Variants in TNKS observed in about 807,000 individuals in gnomAD.
TNKS encodes the protein poly [ADP-ribose] polymerase tankyrase-1.
Under a neutral mutation model 135.8 loss-of-function variants are expected in TNKS, and 72 were observed. The observed-to-expected ratio is 0.53, with a 90% CI of 0.44 to 0.64. TNKS has a LOEUF of 0.64. Among genes scored for constraint, TNKS ranks in the 30% least tolerant of loss-of-function variants. The pLI is 0.00. For synonymous variants in TNKS, 849 were observed against 649.3 expected, an observed-to-expected ratio of 1.31 and a Z score of -4.68; for missense variants, 1,769 against 1,674.0, an observed-to-expected ratio of 1.06 and a Z score of -0.99.
At chr8:9,605,796 C>T (rs997586283) in intron 2 of TNKS, among the ~76,000 whole-genome samples, 2 of 151,878 alleles carry the variant, frequency 1.3e-5, no homozygotes, top group African/African-American at 4.8e-5. Context: ...GTATTGTTTG[C>T]CTTTTAATGA....
At chr8:9,687,002 T>G (rs1281001370) in intron 5 of TNKS, among the ~76,000 whole-genome samples, 1 of 152,194 alleles carries the variant, frequency 6.6e-6, no homozygotes, top group Non-Finnish European at 1.5e-5. Context: ...GAATTGAATT[T>G]CCTAAGTGAC....
intron 3 of TNKS, among the ~76,000 whole-genome samples, chr8:9,654,934 G>A (rs1017589942): frequency 1.3e-4 from 20 of 152,320 alleles, no homozygotes; most frequent in South Asian, 6.2e-4. Context: ...TGCGTGAGCC[G>A]AAGCAGGGTG....
At chr8:9,721,298 T>TTATATATATATATATATGTATA (rs60138689) in intron 12 of TNKS, among the ~76,000 whole-genome samples, 10 of 118,154 alleles carry the variant, frequency 8.5e-5, no homozygotes, top group African/African-American at 2.9e-4. Flanking sequence ...AATAAATAAA[T>TTATATATATATATATATGTATA]TATATATATA....
chr8:9,588,184 A>T lies in TNKS; in HGVS notation c.898+7801A>T, dbSNP rs182293131. ...TTAGGTGTGGAGAGTCCTTGTCCTT[A>T]TACACTTGTTTAAACTGAACATTTT... On this transcript the variant is annotated intron_variant, in intron 2 of 26. Coordinates refer to ENST00000310430, the MANE Select transcript of TNKS (RefSeq NM_003747.3). Among the ~76,000 whole-genome samples, 13 of 152,272 alleles carry T rather than the reference A, an allele frequency of 8.5e-5. No individual in the cohort carries two copies. The East Asian group carries it at 2.5e-3, about 29-fold the overall frequency.
chr8:9,677,823 GT>G (rs1802608984), intron 3 of TNKS, among the ~76,000 whole-genome samples: 1 of 152,062 alleles, frequency 6.6e-6, no homozygotes, highest in Non-Finnish European at 1.5e-5. Context: ...CCCTGTGAGT[GT>G]CCTTTGCTTC....
intron 5 of TNKS, among the ~76,000 whole-genome samples, chr8:9,682,339 C>T (rs1482646825): frequency 6.6e-6 from 1 of 152,086 alleles, no homozygotes; most frequent in East Asian, 1.9e-4. Context: ...CCTTCCTTAC[C>T]CTTCTACTTT....
intron 3 of TNKS, among the ~76,000 whole-genome samples, chr8:9,649,212 A>C (rs1356532313): frequency 6.6e-6 from 1 of 152,260 alleles, no homozygotes; most frequent in Non-Finnish European, 1.5e-5. Flanking sequence ...GCACAGAGCT[A>C]CTTGAACTAC....
intron 2 of TNKS, among the ~76,000 whole-genome samples, chr8:9,607,029 G>T (rs1210229175): frequency 6.6e-6 from 1 of 152,092 alleles, no homozygotes; most frequent in Non-Finnish European, 1.5e-5. Context: ...TAGGGGACAA[G>T]TTCTCAAATG....
chr8:9,579,571 C>A (rs563023877), intron 1 of TNKS, among the ~76,000 whole-genome samples: 1 of 152,126 alleles, frequency 6.6e-6, no homozygotes, highest in East Asian at 1.9e-4. Context: ...CAGGTTCAAG[C>A]GATTCTCGTG....
chr8:9,744,448 T>TTAA (rs1267782968), intron 17 of TNKS, among the ~76,000 whole-genome samples: 3 of 152,244 alleles, frequency 2.0e-5, no homozygotes, highest in Non-Finnish European at 4.4e-5. Context: ...TTAAATGGCT[T>TTAA]TAACTGAAGC....
intron 11 of TNKS, among the ~76,000 whole-genome samples, chr8:9,718,040 G>T (rs369412367): frequency 2.0e-5 from 3 of 151,850 alleles, no homozygotes; most frequent in Non-Finnish European, 2.9e-5. Context: ...TAGTCCAAAA[G>T]GTACAGAAAA....
intron 3 of TNKS, among the ~76,000 whole-genome samples, chr8:9,663,032 G>T (rs932899620): frequency 6.6e-6 from 1 of 152,206 alleles, no homozygotes; most frequent in African/African-American, 2.4e-5. Context: ...TTTAAAGGAG[G>T]CTCAGAATCA....
At chr8:9,639,870 A>G (rs1800657367) in intron 3 of TNKS, among the ~76,000 whole-genome samples, 1 of 152,198 alleles carries the variant, frequency 6.6e-6, no homozygotes, top group African/African-American at 2.4e-5. Flanking sequence ...ATATTTCTAC[A>G]TATATCTTCC....
intron 16 of TNKS, 95 bp downstream of exon 16, chr8:9,735,179 A>G (rs939891303): frequency 7.1e-6 from 9 of 1,275,684 alleles, no homozygotes. Flanking sequence ...CACAAATGGG[A>G]CTACTTAGTA....
At chr8:9,566,219 T>G (rs1473740061) in intron 1 of TNKS, 1 of 152,172 alleles carries the variant, frequency 6.6e-6, no homozygotes, top group African/African-American at 2.4e-5. Flanking sequence ...TATTTTTTTC[T>G]AATGTCTTGA....
At chr8:9,637,163 G>A (rs1032988375) in intron 3 of TNKS, among the ~76,000 whole-genome samples, 5 of 152,178 alleles carry the variant, frequency 3.3e-5, no homozygotes, top group African/African-American at 4.8e-5. Context: ...CTTAAAAGAA[G>A]TAATATTTGG....
In TNKS at chr8:9,768,613, G is replaced by A. The variant is rs541671435; in HGVS notation, c.3741-1493G>A. Among the ~76,000 whole-genome samples the A allele has an allele frequency of 4.0e-3, 613 of 152,342 alleles. 18 individuals carry two copies. The highest frequency in any genetic ancestry group is 4.8e-3 in the Non-Finnish European group (328 of 68,038). ...TCACCGCTGGCTGAGCAGGTCCCAC[G>A]TCATCTCCTGCCTCGGCAGCAACAG... On this transcript the variant is annotated intron_variant, in intron 25 of 26. Transcript: ENST00000310430.
intron 12 of TNKS, among the ~76,000 whole-genome samples, chr8:9,726,417 A>T (rs1363381777): frequency 6.6e-6 from 1 of 152,176 alleles, no homozygotes; most frequent in Non-Finnish European, 1.5e-5. Context: ...GTACATACAT[A>T]AAAAAAGTAA....
chr8:9,609,497 CT>C (rs1295467068), intron 2 of TNKS, among the ~76,000 whole-genome samples: 2 of 152,128 alleles, frequency 1.3e-5, no homozygotes, highest in Non-Finnish European at 2.9e-5. Context: ...GGCCTGTGGG[CT>C]TTTATTGCTC....
Sources: gnomAD v4.1 joint callset for allele counts (sites outside exome capture counted in the v4.1 genomes callset) on GRCh38, gnomAD v4.1.1 for gene constraint, MANE v1.5 for transcripts, NCBI Gene and HGNC (gene_info 2026-07-23, HGNC 2026-07-21) for gene names.